Variants in FRAS1 observed in about 807,000 individuals in gnomAD.
FRAS1 encodes the protein extracellular matrix organizing protein FRAS1.
In FRAS1, 290 loss-of-function variants were observed where a neutral mutation model predicts 435.2. That is an observed-to-expected ratio of 0.67 (90% confidence interval 0.61 to 0.73). FRAS1 has a LOEUF of 0.73. Among genes scored for constraint, FRAS1 ranks in the 30% least tolerant of loss-of-function variants. The probability of loss-of-function intolerance (pLI) is 0.00; values close to 1 mark genes in which losing one functional copy is unlikely to be tolerated. For synonymous variants in FRAS1, 1,800 were observed against 1,851.0 expected (o/e 0.97, Z 0.71); for missense variants, 4,860 against 5,001.5 (o/e 0.97, Z 0.85).
At chr4:78,532,019 C>G (rs976342475) in intron 70 of FRAS1, among the ~76,000 whole-genome samples, 31 of 152,306 alleles carry the variant, frequency 2.0e-4, no homozygotes, top group African/African-American at 7.2e-4. Context: ...ATTGAAATAG[C>G]CTGTTAACAA....
At chr4:78,517,281 C>T (rs954406559) in intron 66 of FRAS1, among the ~76,000 whole-genome samples, 3 of 152,170 alleles carry the variant, frequency 2.0e-5, no homozygotes, top group African/African-American at 7.2e-5. Flanking sequence ...AGGCGTTCAT[C>T]GGTTTTCCAT....
intron 2 of FRAS1, among the ~76,000 whole-genome samples, chr4:78,115,122 A>G (rs1014087271): frequency 3.5e-4 from 53 of 151,628 alleles, no homozygotes; most frequent in African/African-American, 1.2e-3. Flanking sequence ...TTTATATGCT[A>G]GATTACGTTT....
intron 18 of FRAS1, among the ~76,000 whole-genome samples, chr4:78,332,119 T>C (rs1029737339): frequency 2.0e-5 from 3 of 152,158 alleles, no homozygotes; most frequent in African/African-American, 7.2e-5. Context: ...GGAGACTGTC[T>C]CTAGTTGTCT....
intron 19 of FRAS1, among the ~76,000 whole-genome samples, chr4:78,333,622 A>G (rs1730034475): frequency 6.6e-6 from 1 of 152,212 alleles, no homozygotes; most frequent in Admixed American, 6.5e-5. Context: ...AAAACATTAG[A>G]ATCAGCTTTA....
intron 9 of FRAS1, among the ~76,000 whole-genome samples, chr4:78,277,325 C>A (rs1245582661): frequency 6.6e-6 from 1 of 152,174 alleles, no homozygotes; most frequent in African/African-American, 2.4e-5. Context: ...CACTGTCCTG[C>A]ACCCACTGTC....
intron 2 of FRAS1, among the ~76,000 whole-genome samples, chr4:78,184,283 C>G (rs565612175): frequency 6.6e-5 from 10 of 152,254 alleles, no homozygotes; most frequent in African/African-American, 2.4e-4. Context: ...CTAAGCAAGT[C>G]TTTTACTGCA....
At chr4:78,517,425 A>G (rs1279444984) in intron 66 of FRAS1, among the ~76,000 whole-genome samples, 1 of 152,246 alleles carries the variant, frequency 6.6e-6, no homozygotes, top group Non-Finnish European at 1.5e-5. Context: ...ATTTTTATTC[A>G]GAATATGCTT....
intron 2 of FRAS1, among the ~76,000 whole-genome samples, chr4:78,130,448 TATTA>T (rs1345309286): frequency 6.6e-6 from 1 of 152,308 alleles, no homozygotes; most frequent in East Asian, 1.9e-4. Context: ...GCAATACTGA[TATTA>T]ATTGAGTCTA....
chr4:78,322,107 C>T (rs1382049976), intron 18 of FRAS1, among the ~76,000 whole-genome samples: 1 of 152,202 alleles, frequency 6.6e-6, no homozygotes, highest in African/African-American at 2.4e-5. Context: ...CCTAAGATTC[C>T]ATTGGGAAAC....
chr4:78,180,724 A>G (rs144698661), intron 2 of FRAS1: 7,952 of 698,578 alleles, frequency 0.011, 93 homozygotes, highest in Middle Eastern at 0.042. Context: ...TTTTTGAAAC[A>G]GATAAAATTC....
At chr4:78,115,740 A>C (rs13148003) in intron 2 of FRAS1, among the ~76,000 whole-genome samples, 42,542 of 151,226 alleles carry the variant, frequency 0.28, 6,288 homozygotes, top group African/African-American at 0.35. Flanking sequence ...ATTAGTCTTG[A>C]TAGTGGTCTA....
intron 2 of FRAS1, among the ~76,000 whole-genome samples, chr4:78,223,581 T>C (rs1724143571): frequency 6.6e-6 from 1 of 152,192 alleles, no homozygotes; most frequent in East Asian, 1.9e-4. Context: ...TTATGTTGGC[T>C]TAGTACATGG....
chr4:78,525,986 G>T (rs919380217), intron 69 of FRAS1, among the ~76,000 whole-genome samples: 1 of 152,224 alleles, frequency 6.6e-6, no homozygotes, highest in African/African-American at 2.4e-5. Context: ...CCTCAAAATT[G>T]AGTGTGAGTG....
At chr4:78,467,557 A>G (rs1305687514) in intron 50 of FRAS1, among the ~76,000 whole-genome samples, 1 of 152,204 alleles carries the variant, frequency 6.6e-6, no homozygotes, top group Non-Finnish European at 1.5e-5. Flanking sequence ...TCTCTCTGAT[A>G]TACTGATTTC....
Position 78,282,832 on chromosome 4 carries a change from T to A in FRAS1, c.1120T>A (p.Trp374Arg). The change falls in exon 12 of 74, where the codon TGG becomes AGG. Residue 374 changes from tryptophan (W) to arginine (R), a missense_variant. By Grantham distance (101) the Trp-to-Arg change is moderately radical. Coordinates refer to ENST00000512123, the MANE Select transcript of FRAS1 (RefSeq NM_025074.7). ...EVKRIPEGEKWEDGPCKVCEC... is the reference protein window; with the variant it reads ...EVKRIPEGEKREDGPCKVCEC... ...CTTTTTTGCGTAGGAGGGAGAGAAG[T>A]GGGAAGATGGCCCTTGCAAGGTGTG... is the stretch of plus-strand genomic sequence containing the variant. The A allele has an allele frequency of 6.2e-7, 1 of 1,613,400 alleles. No homozygotes were observed. Among genetic ancestry groups the A allele is most frequent in the Non-Finnish European group, 8.5e-7 (1 of 1,179,754 alleles).
At chr4:78,523,454 T>C (rs745977302) in intron 69 of FRAS1, among the ~76,000 whole-genome samples, 10 of 151,990 alleles carry the variant, frequency 6.6e-5, no homozygotes, top group Non-Finnish European at 1.3e-4. Context: ...TTAACAACTA[T>C]AGTAAAATAT....
At position 78,541,382 on chromosome 4, in the gene FRAS1, G is replaced by A. The variant is rs114161007; in HGVS notation, c.*258G>A. 578 of 308,942 alleles carry A rather than the reference G, an allele frequency of 1.9e-3. 5 individuals carry two copies. The highest frequency in any genetic ancestry group is 0.011 in the African/African-American group (538 of 46,820). The allele number at this position is 308,942 out of a possible 1,614,324, so 19.1% of individuals were successfully genotyped here. ...GTACACAGCTCCTTCTGTAAGGCTGGTCTTAGAAAACAAGTACTTTAGTAT... is the reference window on the plus strand; with the variant it reads ...GTACACAGCTCCTTCTGTAAGGCTGATCTTAGAAAACAAGTACTTTAGTAT... On this transcript the variant is annotated 3_prime_UTR_variant, in exon 74 of 74. Coordinates refer to ENST00000512123, the MANE Select transcript of FRAS1 (RefSeq NM_025074.7).
chr4:78,262,948 A>G (rs1290717727), intron 6 of FRAS1, among the ~76,000 whole-genome samples: 1 of 152,214 alleles, frequency 6.6e-6, no homozygotes, highest in Non-Finnish European at 1.5e-5. Flanking sequence ...AAAACCAGCC[A>G]TAGACAATAT....
rs1729208574 is a variant in FRAS1, at chr4:78,315,590, T to G, written c.1679-4T>G. On this transcript the variant is annotated splice_polypyrimidine_tract_variant and splice_region_variant and intron_variant, in intron 15 of 73. Coordinates refer to ENST00000512123, the MANE Select transcript of FRAS1 (RefSeq NM_025074.7). ...TCTCTGATGGGTTTTTTGCCTCCCC[T>G]TAGCTTGTGACCAATCCTGTGACAG... The G allele has an allele frequency of 1.9e-6, 3 of 1,607,172 alleles. No homozygotes were observed. The highest frequency in any genetic ancestry group is 1.1e-5 in the South Asian group (1 of 89,702).
Sources: gnomAD v4.1 joint callset for allele counts (sites outside exome capture counted in the v4.1 genomes callset) on GRCh38, gnomAD v4.1.1 for gene constraint, MANE v1.5 for transcripts, NCBI Gene and HGNC (gene_info 2026-07-23, HGNC 2026-07-21) for gene names.